OTUD7B: variants seen among roughly 807,000 people sequenced by gnomAD.
The protein encoded by OTUD7B is OTU deubiquitinase 7B, also known as OTU domain-containing protein 7B.
OTUD7B carries 34 observed loss-of-function variants against 82.2 expected under a neutral mutation model. The ratio of observed to expected loss-of-function variants is 0.41; its 90% CI spans 0.31 to 0.55. The LOEUF (loss-of-function observed/expected upper bound fraction) is 0.55, where lower values mean the gene tolerates loss of function less well. OTUD7B is among the 20% of genes least tolerant of loss of function. OTUD7B has a pLI of 0.20. For missense variants in OTUD7B, 944 were observed against 1,062.1 expected (o/e 0.89, Z 1.55); for synonymous variants, 398 against 402.7 (o/e 0.99, Z 0.14).
intron 7 of OTUD7B, among the ~76,000 whole-genome samples, chr1:149,950,855 G>A (rs376813715): frequency 6.8e-6 from 1 of 146,118 alleles, no homozygotes; most frequent in African/African-American, 2.5e-5. Flanking sequence ...GCAGTGGCGC[G>A]ATCTCGGCTC....
chr1:150,032,465 G>GAAAAAAAAAAAAA, the OTUD7B span, among the ~76,000 whole-genome samples: 2 of 85,768 alleles, frequency 2.3e-5, no homozygotes, highest in African/African-American at 5.9e-5. Context: ...CCTGTCTACA[G>GAAAAAAAAAAAAA]AAAAAAAAAA....
the OTUD7B span, among the ~76,000 whole-genome samples, chr1:150,027,556 C>T: frequency 1.3e-5 from 2 of 152,184 alleles, no homozygotes; most frequent in East Asian, 3.9e-4. Flanking sequence ...CGCTGCACTC[C>T]AACCTAGGCA....
intron 7 of OTUD7B, among the ~76,000 whole-genome samples, chr1:149,955,861 G>A (rs1371336625): frequency 6.6e-6 from 1 of 152,018 alleles, no homozygotes; most frequent in Non-Finnish European, 1.5e-5. Flanking sequence ...TGCAACCCCT[G>A]CTTTTTTTTG....
the OTUD7B span, among the ~76,000 whole-genome samples, chr1:150,028,319 G>C: frequency 6.6e-6 from 1 of 152,140 alleles, no homozygotes; most frequent in Non-Finnish European, 1.5e-5. Flanking sequence ...AAAAGGTTCG[G>C]GATTCTCAAG....
the OTUD7B span, among the ~76,000 whole-genome samples, chr1:150,066,645 C>A: frequency 6.6e-6 from 1 of 152,172 alleles, no homozygotes; most frequent in Non-Finnish European, 1.5e-5. This position sits in a 1 kb window ranked among gnomAD's most constrained non-coding sequence, Gnocchi z 4.6. Flanking sequence ...ATTGACCTCA[C>A]AAACACTGGT....
chr1:149,952,198 C>T (rs183812272), intron 7 of OTUD7B, among the ~76,000 whole-genome samples: 6 of 134,868 alleles, frequency 4.4e-5, no homozygotes, highest in Admixed American at 1.5e-4. Flanking sequence ...ATCCCTCCCC[C>T]CTCCCCCAAC....
intron 1 of OTUD7B, among the ~76,000 whole-genome samples, chr1:149,979,982 T>G (rs1650602971): frequency 6.6e-6 from 1 of 152,000 alleles, no homozygotes. Flanking sequence ...TGAAAGAATG[T>G]GAGAAATATA....
At chr1:149,992,464 T>G (rs1468059455) in intron 1 of OTUD7B, among the ~76,000 whole-genome samples, 1 of 96,548 alleles carries the variant, frequency 1.0e-5, no homozygotes, top group Non-Finnish European at 2.1e-5. Context: ...TTTGTGTGCA[T>G]GTGTTTTTTT....
the OTUD7B span, among the ~76,000 whole-genome samples, chr1:150,065,849 G>GTTTTTTTTTTTTTTTTTTTTTTT: frequency 9.2e-5 from 14 of 151,618 alleles, no homozygotes; most frequent in African/African-American, 3.2e-4. Flanking sequence ...TGTTCAAAAT[G>GTTTTTTTTTTTTTTTTTTTTTTT]TTTATGTTCC....
At chr1:149,955,003 T>G (rs1553774266) in intron 7 of OTUD7B, among the ~76,000 whole-genome samples, 1 of 152,204 alleles carries the variant, frequency 6.6e-6, no homozygotes, top group East Asian at 1.9e-4. Context: ...AGCTCCTGGA[T>G]TCATTGATTT....
the OTUD7B span, among the ~76,000 whole-genome samples, chr1:150,025,762 A>G: frequency 6.6e-6 from 1 of 152,182 alleles, no homozygotes; most frequent in African/African-American, 2.4e-5. Context: ...TATGTCTAAT[A>G]TAGGGGATAG....
chr1:149,943,928 A>C lies in OTUD7B; in HGVS notation c.2461T>G (p.Cys821Gly). ...GHPETNNFCS[C>G]CYREELRRRE... Reference sequence around the variant, plus strand: ...CTCCTCAGTTCTTCCCTGTAACAACAGGAACAGAAGTTGTTTGTCTCAGGG... The same window carrying C: ...CTCCTCAGTTCTTCCCTGTAACAACCGGAACAGAAGTTGTTTGTCTCAGGG... The change falls in exon 12 of 12, where the codon TGT becomes GGT. Residue 821 changes from cysteine to glycine, a missense_variant. This residue lies in a region of OTUD7B where 412 missense variants were observed against 418.7 expected (regional missense o/e 0.98). Transcript: ENST00000581312. The C allele has an allele frequency of 1.2e-6, 2 of 1,614,234 alleles. No homozygotes were observed. Among genetic ancestry groups the C allele is most frequent in the Non-Finnish European group, 1.7e-6 (2 of 1,180,038 alleles).
chr1:150,001,801 AG>A (rs781912995), intron 1 of OTUD7B, among the ~76,000 whole-genome samples: 29 of 152,222 alleles, frequency 1.9e-4, no homozygotes, highest in Non-Finnish European at 3.7e-4. Flanking sequence ...CAGAGCCCAG[AG>A]AAAAGAATTT....
At chr1:150,000,371 A>G (rs1208133899) in intron 1 of OTUD7B, among the ~76,000 whole-genome samples, 1 of 152,122 alleles carries the variant, frequency 6.6e-6, no homozygotes, top group Non-Finnish European at 1.5e-5. Context: ...GCTACTTGGG[A>G]GGCTGAGGCA....
At chr1:150,035,082 T>G in the OTUD7B span, among the ~76,000 whole-genome samples, 3 of 151,120 alleles carry the variant, frequency 2.0e-5, no homozygotes, top group Admixed American at 2.0e-4. Context: ...AGGCAGAGGT[T>G]GTAGTGAGCT....
At position 149,939,686 on chromosome 1, in the gene OTUD7B, T is replaced by A. The variant is rs1300630961; in HGVS notation, c.*4171A>T. The A allele has an allele frequency of 6.6e-6, 1 of 152,222 alleles. No homozygotes were observed. The highest frequency in any genetic ancestry group is 1.5e-5 in the Non-Finnish European group (1 of 68,168). The allele number at this position is 152,222 out of a possible 1,614,324, so 9.4% of individuals were successfully genotyped here. On this transcript the variant is annotated 3_prime_UTR_variant, in exon 12 of 12. Coordinates refer to ENST00000581312, the MANE Select transcript of OTUD7B (RefSeq NM_020205.4). Reference sequence around the variant, plus strand: ...GGCTCATGCCTGTAATCCCAGCACTTTGGGAGGCCGAGGCTGGCGGATCAC... The same window carrying A: ...GGCTCATGCCTGTAATCCCAGCACTATGGGAGGCCGAGGCTGGCGGATCAC...
chr1:150,057,846 T>C, the OTUD7B span, among the ~76,000 whole-genome samples: 1 of 152,184 alleles, frequency 6.6e-6, no homozygotes, highest in Non-Finnish European at 1.5e-5. Context: ...ACTCTAAGAA[T>C]GTAGAGATAT....
chr1:149,989,195 G>A (rs991063148), intron 1 of OTUD7B, among the ~76,000 whole-genome samples: 4 of 151,984 alleles, frequency 2.6e-5, no homozygotes, highest in East Asian at 1.9e-4. Context: ...AAAACAGGCC[G>A]GGCGTGGTGG....
At chr1:150,029,512 C>G in the OTUD7B span, among the ~76,000 whole-genome samples, 38,877 of 152,076 alleles carry the variant, frequency 0.26, 7,364 homozygotes, top group African/African-American at 0.53. Context: ...CTTTAGATTT[C>G]TAGAAGCAAT....
Sources: allele counts gnomAD v4.1 joint callset (sites outside exome capture counted in the v4.1 genomes callset), GRCh38; gene constraint gnomAD v4.1.1; regional missense constraint gnomAD v4.1.1; non-coding constraint Gnocchi (gnomAD v3.1); transcripts MANE v1.5; gene names NCBI Gene and HGNC (gene_info 2026-07-23, HGNC 2026-07-21).